NCAM2: variants seen among roughly 807,000 people sequenced by gnomAD.
NCAM2 encodes the protein N-CAM-2.
Under a neutral mutation model 98.1 loss-of-function variants are expected in NCAM2, and 30 were observed. The ratio of observed to expected loss-of-function variants is 0.31; its 90% confidence interval spans 0.23 to 0.41. The LOEUF (loss-of-function observed/expected upper bound fraction) is 0.41, where lower values mean the gene tolerates loss of function less well. NCAM2 is among the 10% of genes least tolerant of loss of function. The pLI is 1.00. For synonymous variants in NCAM2, 368 were observed against 342.4 expected, an observed-to-expected ratio of 1.07 and a Z score of -0.83; for missense variants, 867 against 1,005.8, an observed-to-expected ratio of 0.86 and a Z score of 1.87.
intron 1 of NCAM2, among the ~76,000 whole-genome samples, chr21:20,999,142 G>A (rs551625999): frequency 9.2e-5 from 14 of 152,082 alleles, no homozygotes; most frequent in African/African-American, 3.1e-4. Flanking sequence ...AATGATGATG[G>A]CTTATTTCTG....
chr21:21,116,174 A>G (rs2066555707), intron 1 of NCAM2, among the ~76,000 whole-genome samples: 1 of 152,122 alleles, frequency 6.6e-6, no homozygotes, highest in Admixed American at 6.5e-5. Context: ...TATTATTTTT[A>G]AGATGCTCCC....
chr21:21,445,072 G>T (rs1227222465), intron 12 of NCAM2, among the ~76,000 whole-genome samples: 1 of 151,958 alleles, frequency 6.6e-6, no homozygotes, highest in Non-Finnish European at 1.5e-5. Flanking sequence ...TTTAATTTTT[G>T]CCTTAATTTC....
chr21:21,303,019 A>T (rs775855224), intron 5 of NCAM2, among the ~76,000 whole-genome samples: 26 of 152,198 alleles, frequency 1.7e-4, no homozygotes, highest in Middle Eastern at 6.8e-3. Flanking sequence ...AATACCACAT[A>T]TTTTCACTTG....
intron 1 of NCAM2, among the ~76,000 whole-genome samples, chr21:21,008,168 T>C (rs977255811): frequency 4.0e-5 from 6 of 151,840 alleles, no homozygotes; most frequent in Non-Finnish European, 8.8e-5. Flanking sequence ...TGCTTTTGAT[T>C]AAAAAAATTA....
At chr21:21,517,471 G>C (rs760413209) in intron 16 of NCAM2, among the ~76,000 whole-genome samples, 1 of 152,158 alleles carries the variant, frequency 6.6e-6, no homozygotes, top group Admixed American at 6.6e-5. Context: ...AGGAACTAGA[G>C]GGATAGAAAG....
At position 21,316,067 on chromosome 21, in the gene NCAM2, T is replaced by C. The variant is rs530307847; in HGVS notation, c.620-8316T>C. On this transcript the variant is annotated intron_variant, in intron 5 of 17. Coordinates refer to ENST00000400546, the MANE Select transcript of NCAM2 (RefSeq NM_004540.5). ...TGATATTTAATTGATCACTTCAGTG[T>C]GACTTTGAACATTTAGCCCACACTT... Among the ~76,000 whole-genome samples the C allele has an allele frequency of 7.2e-5, 11 of 152,310 alleles. No homozygotes were observed. The South Asian group carries it at 2.3e-3, about 32-fold the overall frequency.
Position 21,227,406 on chromosome 21 carries a change from G to A in NCAM2, c.56-53172G>A, listed in dbSNP as rs545771924. On this transcript the variant is annotated intron_variant, in intron 1 of 17. Coordinates refer to ENST00000400546, the MANE Select transcript of NCAM2 (RefSeq NM_004540.5). ...TTTTAGAGTTGTAAATATAAGTCATGTAAAAGTAAGGTTAAAAATACAGAA... is the reference window on the plus strand; with the variant it reads ...TTTTAGAGTTGTAAATATAAGTCATATAAAAGTAAGGTTAAAAATACAGAA... Among the ~76,000 whole-genome samples, 5 of 151,834 alleles carry A rather than the reference G, an allele frequency of 3.3e-5. No individual in the cohort carries two copies. In the South Asian group the frequency reaches 8.3e-4, roughly 25 times the overall value.
At chr21:21,303,584 C>T (rs2073792067) in intron 5 of NCAM2, among the ~76,000 whole-genome samples, 1 of 152,042 alleles carries the variant, frequency 6.6e-6, no homozygotes, top group African/African-American at 2.4e-5. Flanking sequence ...TATATATTAT[C>T]TTGGTATGGG....
chr21:21,508,581 C>A (rs9636696), intron 15 of NCAM2, among the ~76,000 whole-genome samples: 37,980 of 151,046 alleles, frequency 0.25, 5,834 homozygotes, highest in East Asian at 0.43. Context: ...GACACTTTTT[C>A]TTTGTTAATA....
At chr21:21,477,010 A>T (rs898398) in intron 14 of NCAM2, among the ~76,000 whole-genome samples, 5,398 of 138,152 alleles carry the variant, frequency 0.039, 305 homozygotes, top group African/African-American at 0.14. Flanking sequence ...TATGTGAAAT[A>T]AAAAAAAAAA....
At chr21:21,322,869 A>G (rs1458688878) in intron 5 of NCAM2, among the ~76,000 whole-genome samples, 4 of 152,216 alleles carry the variant, frequency 2.6e-5, no homozygotes, top group Non-Finnish European at 5.9e-5. Flanking sequence ...GCAACCGGTC[A>G]GGAGAATTAT....
At chr21:21,186,598 A>T (rs1250472533) in intron 1 of NCAM2, among the ~76,000 whole-genome samples, 1 of 152,158 alleles carries the variant, frequency 6.6e-6, no homozygotes, top group Non-Finnish European at 1.5e-5. Flanking sequence ...AAATTAAATC[A>T]TGTAAGTGTT....
intron 1 of NCAM2, among the ~76,000 whole-genome samples, chr21:21,258,453 G>C (rs2071759986): frequency 6.6e-6 from 1 of 152,176 alleles, no homozygotes; most frequent in Non-Finnish European, 1.5e-5. Context: ...GAGTCTGGTA[G>C]AGATTGACTC....
chr21:21,540,582 C>A lies in NCAM2; in HGVS notation c.*2625C>A, dbSNP rs1990193393. 6.6e-6 allele frequency: 1 copy of A among 151,708 alleles called. No individual in the cohort carries two copies. The highest frequency in any genetic ancestry group is 1.5e-5 in the Non-Finnish European group (1 of 67,898). The allele number at this position is 151,708 out of a possible 1,614,324, so 9.4% of individuals were successfully genotyped here. ...TAAAATATGAGTAGAACTGAAATAA[C>A]CTGTTTCATTCTTATTCTAGATTAA... On this transcript the variant is annotated 3_prime_UTR_variant, in exon 18 of 18. Coordinates refer to ENST00000400546, the MANE Select transcript of NCAM2 (RefSeq NM_004540.5).
At chr21:21,196,571 G>A (rs2069012768) in intron 1 of NCAM2, among the ~76,000 whole-genome samples, 1 of 152,166 alleles carries the variant, frequency 6.6e-6, no homozygotes, top group Admixed American at 6.6e-5. Context: ...GTATAGTCTA[G>A]GCCCTAGGGT....
chr21:21,183,251 C>G (rs1287392870), intron 1 of NCAM2, among the ~76,000 whole-genome samples: 2 of 152,076 alleles, frequency 1.3e-5, no homozygotes, highest in East Asian at 3.9e-4. Context: ...AAAAAATTTG[C>G]CTGGGTCACA....
At chr21:21,082,285 A>C (rs938617747) in intron 1 of NCAM2, among the ~76,000 whole-genome samples, 1 of 148,764 alleles carries the variant, frequency 6.7e-6, no homozygotes, top group African/African-American at 2.5e-5. Flanking sequence ...TCAAAACAAA[A>C]AAAAAAAAAC....
intron 1 of NCAM2, among the ~76,000 whole-genome samples, chr21:21,154,299 C>A (rs1286515931): frequency 4.0e-5 from 6 of 151,728 alleles, no homozygotes; most frequent in African/African-American, 1.5e-4. Flanking sequence ...GTAAAGAATG[C>A]AGTATGTGAA....
At chr21:21,282,210 G>C (rs78835325) in intron 2 of NCAM2, among the ~76,000 whole-genome samples, 3,800 of 151,756 alleles carry the variant, frequency 0.025, 137 homozygotes, top group East Asian at 0.18. Flanking sequence ...CATAAAGGTA[G>C]AATAACAAAA....
Sources: gnomAD v4.1 joint callset for allele counts (sites outside exome capture counted in the v4.1 genomes callset) on GRCh38, gnomAD v4.1.1 for gene constraint, MANE v1.5 for transcripts, NCBI Gene and HGNC (gene_info 2026-07-23, HGNC 2026-07-21) for gene names.